The following ATP8A2 variants were observed in gnomAD, a reference collection of about 807,000 sequenced individuals.
ATP8A2 encodes phospholipid-transporting ATPase IB.
Under a neutral mutation model 165.6 loss-of-function variants are expected in ATP8A2, and 100 were observed. That is an observed-to-expected ratio of 0.60 (90% CI 0.51 to 0.71). The LOEUF (loss-of-function observed/expected upper bound fraction) is 0.71, where lower values mean the gene tolerates loss of function less well. Among genes scored for constraint, ATP8A2 ranks in the 30% least tolerant of loss-of-function variants. ATP8A2 has a pLI of 0.00. For synonymous variants in ATP8A2, 543 were observed against 548.8 expected (o/e 0.99, Z 0.15); for missense variants, 1,227 against 1,479.5 (o/e 0.83, Z 2.80).
In ATP8A2 at chr13:25,718,693, A is replaced by G. The variant is rs2043307583; in HGVS notation, c.2384+19348A>G. On this transcript the variant is annotated intron_variant, in intron 25 of 36. Coordinates refer to ENST00000381655, the MANE Select transcript of ATP8A2 (RefSeq NM_016529.6). ...CTGAGACAGAGTGTGAATCACAGAA[A>G]GGAAATTAGATTTTTTTAGCCCCAA... 2.0e-5 allele frequency among the ~76,000 whole-genome samples: 3 copies of G among 152,204 alleles called. No homozygotes were observed. The South Asian group carries it at 6.2e-4, about 32-fold the overall frequency.
chr13:25,911,331 G>A lies in ATP8A2; in HGVS notation c.3183+48923G>A, dbSNP rs571852164. ...TGGTCAATGGGATAATTGACCCTCA[G>A]CAGCTAGCTCTTACTCCATAATACA... is the stretch of plus-strand genomic sequence containing the variant. On this transcript the variant is annotated intron_variant, in intron 33 of 36. Coordinates refer to ENST00000381655, the MANE Select transcript of ATP8A2 (RefSeq NM_016529.6). Among the ~76,000 whole-genome samples the A allele has an allele frequency of 3.3e-5, 5 of 152,286 alleles. No individual in the cohort carries two copies. In the South Asian group the frequency reaches 6.2e-4, roughly 19 times the overall value.
At chr13:25,392,502 A>C (rs2033283067) in intron 1 of ATP8A2, among the ~76,000 whole-genome samples, 1 of 152,248 alleles carries the variant, frequency 6.6e-6, no homozygotes, top group African/African-American at 2.4e-5. Context: ...AGACTTCATG[A>C]GTATCACACA....
chr13:25,818,998 C>T (rs1362049731), intron 27 of ATP8A2, among the ~76,000 whole-genome samples: 1 of 152,156 alleles, frequency 6.6e-6, no homozygotes, highest in East Asian at 1.9e-4. Context: ...TTATTTGTTA[C>T]ACTGATAATA....
chr13:25,490,355 C>T (rs766803851), intron 2 of ATP8A2, among the ~76,000 whole-genome samples: 16 of 152,224 alleles, frequency 1.1e-4, no homozygotes, highest in Non-Finnish European at 2.1e-4. Context: ...GCTCTCCTCG[C>T]GGAGCACAGC....
chr13:25,639,317 T>A (rs1465285380), intron 24 of ATP8A2, among the ~76,000 whole-genome samples: 2 of 152,088 alleles, frequency 1.3e-5, no homozygotes, highest in African/African-American at 4.8e-5. Context: ...CAAATTGGAT[T>A]AAGAGTGAAG....
At chr13:25,805,689 T>C (rs1383041985) in intron 27 of ATP8A2, among the ~76,000 whole-genome samples, 1 of 152,204 alleles carries the variant, frequency 6.6e-6, no homozygotes, top group Non-Finnish European at 1.5e-5. Flanking sequence ...TAAACCATGA[T>C]GGTGTTCCAG....
intron 33 of ATP8A2, chr13:25,927,274 A>G (rs765112854): frequency 2.2e-6 from 1 of 454,482 alleles, no homozygotes; most frequent in South Asian, 1.6e-5. Flanking sequence ...GCATTTTATC[A>G]CCTTTGTTGA....
chr13:25,946,561 G>A (rs12431049), intron 33 of ATP8A2, among the ~76,000 whole-genome samples: 1,907 of 152,222 alleles, frequency 0.013, 127 homozygotes, highest in Admixed American at 0.11. Context: ...ATACATTCTT[G>A]ACTTAATTCC....
At chr13:25,592,933 A>G (rs1211232629) in intron 24 of ATP8A2, among the ~76,000 whole-genome samples, 1 of 152,174 alleles carries the variant, frequency 6.6e-6, no homozygotes. Flanking sequence ...ACTGTAATTT[A>G]TTCAGTATCT....
intron 1 of ATP8A2, among the ~76,000 whole-genome samples, chr13:25,457,897 A>G (rs1165032254): frequency 6.6e-6 from 1 of 152,232 alleles, no homozygotes; most frequent in Non-Finnish European, 1.5e-5. Context: ...GTTGGGAACA[A>G]AAGTGAATGA....
At chr13:25,918,495 A>G (rs1170539660) in intron 33 of ATP8A2, among the ~76,000 whole-genome samples, 2 of 152,230 alleles carry the variant, frequency 1.3e-5, no homozygotes, top group Non-Finnish European at 1.5e-5. Flanking sequence ...CCAACAGTGA[A>G]AAACCAATGT....
At chr13:25,729,554 C>T (rs1239589535) in intron 25 of ATP8A2, among the ~76,000 whole-genome samples, 2 of 152,164 alleles carry the variant, frequency 1.3e-5, no homozygotes, top group African/African-American at 2.4e-5. Context: ...AGTCCAACCA[C>T]GATGTCATTT....
At chr13:25,529,968 C>G (rs1223782709) in intron 2 of ATP8A2, 31 bp from the exon 3 acceptor site, 9 of 1,247,344 alleles carry the variant, frequency 7.2e-6, no homozygotes, top group Non-Finnish European at 9.4e-6. Context: ...ACATCTATAA[C>G]TGATAGTATT....
chr13:25,821,885 G>A (rs980415672), intron 27 of ATP8A2, among the ~76,000 whole-genome samples: 5 of 152,240 alleles, frequency 3.3e-5, no homozygotes, highest in African/African-American at 1.2e-4. Context: ...CCCTAGCTGA[G>A]AATTACTGCT....
At chr13:25,709,651 A>G (rs538643686) in intron 25 of ATP8A2, among the ~76,000 whole-genome samples, 1 of 152,368 alleles carries the variant, frequency 6.6e-6, no homozygotes, top group East Asian at 1.9e-4. Flanking sequence ...TGAATTTTGA[A>G]TTATCAAATA....
chr13:25,682,078 A>G (rs1458328558), intron 24 of ATP8A2, among the ~76,000 whole-genome samples: 1 of 152,192 alleles, frequency 6.6e-6, no homozygotes, highest in Non-Finnish European at 1.5e-5. Flanking sequence ...GTGCATAACT[A>G]TAGTGGAAGA....
In ATP8A2 at chr13:25,688,741, T is replaced by A. The variant is rs1464664305; in HGVS notation, c.2212-10432T>A. Among the ~76,000 whole-genome samples the A allele has an allele frequency of 4.6e-5, 7 of 152,216 alleles. No homozygotes were observed. In the East Asian group the frequency reaches 1.4e-3, roughly 29 times the overall value. ...CCTAAGAAGGTCCTGCTGGCAGGGC[T>A]TTCAAGAACCACGCCCTGTGGGCTA... On this transcript the variant is annotated intron_variant, in intron 24 of 36. Coordinates refer to ENST00000381655, the MANE Select transcript of ATP8A2 (RefSeq NM_016529.6).
intron 24 of ATP8A2, among the ~76,000 whole-genome samples, chr13:25,594,243 G>A (rs527871519): frequency 4.9e-4 from 74 of 152,220 alleles, no homozygotes; most frequent in African/African-American, 1.4e-3. Flanking sequence ...CTGCAAATTC[G>A]TGAATGATAA....
intron 24 of ATP8A2, among the ~76,000 whole-genome samples, chr13:25,617,980 T>G (rs4442642): frequency 0.83 from 126,042 of 152,102 alleles, 53,220 homozygotes; most frequent in African/African-American, 0.91. Flanking sequence ...TCGTGGCTAG[T>G]TACCCGTAGT....
Sources: gnomAD v4.1 joint callset for allele counts (sites outside exome capture counted in the v4.1 genomes callset) on GRCh38, gnomAD v4.1.1 for gene constraint, MANE v1.5 for transcripts, NCBI Gene and HGNC (gene_info 2026-07-23, HGNC 2026-07-21) for gene names.